VPS36: variants seen among roughly 807,000 people sequenced by gnomAD.
VPS36 encodes the protein vacuolar protein-sorting-associated protein 36.
In VPS36, 31 loss-of-function variants were observed where a neutral mutation model predicts 63.5. That is an observed-to-expected ratio of 0.49 (90% CI 0.37 to 0.66). VPS36 has a LOEUF of 0.66. VPS36 is among the 30% of genes least tolerant of loss of function. The pLI, the probability that VPS36 is intolerant of heterozygous loss-of-function variation, is 0.00. For missense variants in VPS36, 338 were observed against 463.7 expected (o/e 0.73, Z 2.49); for synonymous variants, 138 against 157.2 (o/e 0.88, Z 0.91).
At chr13:52,429,378 T>C in intron 6 of VPS36, 1 of 841,736 alleles carries the variant, frequency 1.2e-6, no homozygotes, top group Non-Finnish European at 1.4e-6. Flanking sequence ...CTAGAGCCTA[T>C]TCATCTTTCA....
intron 9 of VPS36, among the ~76,000 whole-genome samples, chr13:52,424,819 T>C (rs1312562220): frequency 6.6e-6 from 1 of 151,694 alleles, no homozygotes; most frequent in Non-Finnish European, 1.5e-5. Flanking sequence ...AACTCTGTCT[T>C]TACTGAAAAT....
intron 10 of VPS36, among the ~76,000 whole-genome samples, chr13:52,422,939 C>T (rs1389936370): frequency 6.6e-6 from 1 of 152,072 alleles, no homozygotes; most frequent in African/African-American, 2.4e-5. Flanking sequence ...ATTATGGGGG[C>T]GGGTCTTTCC....
chr13:52,444,985 CTG>C (rs1958323514), intron 1 of VPS36, among the ~76,000 whole-genome samples: 1 of 152,176 alleles, frequency 6.6e-6, no homozygotes, highest in Non-Finnish European at 1.5e-5. Context: ...TTTTAAAAAA[CTG>C]TTTTCTAAGA....
At chr13:52,436,269 T>C in intron 4 of VPS36, 21 bp downstream of exon 4, 1 of 1,392,052 alleles carries the variant, frequency 7.2e-7, no homozygotes, top group Non-Finnish European at 1.0e-6. Flanking sequence ...CTAGTACGAT[T>C]TTATTCATGT....
At position 52,414,052 on chromosome 13, in the gene VPS36, G is replaced by C. The variant is rs935156441; in HGVS notation, c.*1778C>G. On this transcript the variant is annotated 3_prime_UTR_variant, in exon 14 of 14. Coordinates refer to ENST00000378060, the MANE Select transcript of VPS36 (RefSeq NM_016075.4). ...CAAATATGTTAAATTATGTAGGTTTGCAGTAATGAATCCAAACCATTAGCG... is the reference window on the plus strand; with the variant it reads ...CAAATATGTTAAATTATGTAGGTTTCCAGTAATGAATCCAAACCATTAGCG... The C allele has an allele frequency of 1.3e-5, 2 of 152,072 alleles. No individual in the cohort carries two copies. The highest frequency in any genetic ancestry group is 4.8e-5 in the African/African-American group (2 of 41,388). 9.4% of individuals were successfully genotyped at this position (152,072 alleles called of 1,614,324 possible).
chr13:52,443,053 A>G (rs1958297101), intron 1 of VPS36, among the ~76,000 whole-genome samples: 1 of 152,188 alleles, frequency 6.6e-6, no homozygotes, highest in African/African-American at 2.4e-5. Flanking sequence ...TACAAAAATA[A>G]ATATGGATGG....
At chr13:52,439,848 T>C (rs1415538890) in intron 2 of VPS36, among the ~76,000 whole-genome samples, 1 of 152,228 alleles carries the variant, frequency 6.6e-6, no homozygotes, top group Non-Finnish European at 1.5e-5. Flanking sequence ...ATCAAGATAA[T>C]TTTAAGGAGG....
At chr13:52,420,718 C>T (rs1446147405) in intron 10 of VPS36, among the ~76,000 whole-genome samples, 1 of 152,176 alleles carries the variant, frequency 6.6e-6, no homozygotes, top group African/African-American at 2.4e-5. Context: ...GTGACAGACC[C>T]CCAATTTCCC....
Position 52,415,788 on chromosome 13 carries a change from G to T in VPS36, c.*42C>A. On this transcript the variant is annotated 3_prime_UTR_variant, in exon 14 of 14. Coordinates refer to ENST00000378060, the MANE Select transcript of VPS36 (RefSeq NM_016075.4). ...GCTCAATGTCATACAACCTCTACAT[G>T]ACGCAAGCATATGGACAAAAAGGAT... The T allele has an allele frequency of 1.3e-6, 2 of 1,580,944 alleles. No homozygotes were observed. Among genetic ancestry groups the T allele is most frequent in the South Asian group, 2.2e-5 (2 of 88,932 alleles).
intron 6 of VPS36, among the ~76,000 whole-genome samples, chr13:52,427,835 T>C (rs1290541485): frequency 1.3e-5 from 2 of 152,164 alleles, no homozygotes; most frequent in East Asian, 3.9e-4. Context: ...TACTGTTATT[T>C]GAGAAAAGTA....
chr13:52,415,764 C>T lies in VPS36; in HGVS notation c.*66G>A. ...CAATTGATCGGGGTTTATCTCTTAG[C>T]TCAATGTCATACAACCTCTACATGA... On this transcript the variant is annotated 3_prime_UTR_variant, in exon 14 of 14. Transcript: ENST00000378060. 8.3e-6 allele frequency: 12 copies of T among 1,437,566 alleles called. No individual in the cohort carries two copies. The highest frequency in any genetic ancestry group is 1.2e-5 in the Non-Finnish European group (12 of 1,030,256). 89.1% of individuals were successfully genotyped at this position (1,437,566 alleles called of 1,614,324 possible).
In VPS36 at chr13:52,414,865, T is replaced by G. The variant is rs960415146; in HGVS notation, c.*965A>C. The G allele has an allele frequency of 6.6e-6, 1 of 152,244 alleles. No homozygotes were observed. Among genetic ancestry groups the G allele is most frequent in the African/African-American group, 2.4e-5 (1 of 41,468 alleles). 9.4% of individuals were successfully genotyped at this position (152,244 alleles called of 1,614,324 possible). On this transcript the variant is annotated 3_prime_UTR_variant, in exon 14 of 14. Transcript: ENST00000378060. ...TACATGCAGTATTAGCCAGTTGTTG[T>G]TATCTCAGTAACATTTCTTACCGAA...
chr13:52,442,484 C>G, intron 1 of VPS36, 39 bp from the exon 2 acceptor site: 1 of 1,562,664 alleles, frequency 6.4e-7, no homozygotes, highest in South Asian at 1.2e-5. Flanking sequence ...AATAACATAT[C>G]ACTCATTGTG....
intron 1 of VPS36, 72 bp downstream of exon 1, chr13:52,450,427 C>G (rs1450449827): frequency 6.8e-7 from 1 of 1,475,488 alleles, no homozygotes; most frequent in Non-Finnish European, 9.0e-7. Flanking sequence ...ACCCGGGCCG[C>G]GCTGAGCCGG....
chr13:52,428,339 C>A (rs1451127518), intron 6 of VPS36, among the ~76,000 whole-genome samples: 2 of 152,176 alleles, frequency 1.3e-5, no homozygotes, highest in African/African-American at 2.4e-5. Context: ...AAATATCAGT[C>A]CATATGGTGG....
At chr13:52,434,765 C>T in intron 5 of VPS36, 28 bp downstream of exon 5, 1 of 1,590,244 alleles carries the variant, frequency 6.3e-7, no homozygotes, top group South Asian at 1.1e-5. Context: ...GTTGAAAATA[C>T]TGGATTAGCA....
chr13:52,441,902 GCT>G (rs1413260176), intron 2 of VPS36, among the ~76,000 whole-genome samples: 2 of 152,132 alleles, frequency 1.3e-5, no homozygotes, highest in African/African-American at 2.4e-5. Context: ...GGACATACCA[GCT>G]CTTTGTAAAG....
At chr13:52,432,422 C>T (rs1354726957) in intron 6 of VPS36, among the ~76,000 whole-genome samples, 3 of 152,124 alleles carry the variant, frequency 2.0e-5, no homozygotes, top group Non-Finnish European at 2.9e-5. Flanking sequence ...AATAAGGAAA[C>T]AATTTATTAC....
chr13:52,450,623 G>T lies in VPS36; in HGVS notation c.-29C>A, dbSNP rs1224846550. On this transcript the variant is annotated 5_prime_UTR_variant, in exon 1 of 14. Transcript: ENST00000378060. Reference sequence around the variant, plus strand: ...CGCTGCCACCCAGCCCCGGCCCTCCGAGGCCGCGAGCAGCGCGCCAGGCAG... The same window carrying T: ...CGCTGCCACCCAGCCCCGGCCCTCCTAGGCCGCGAGCAGCGCGCCAGGCAG... The T allele has an allele frequency of 6.5e-7, 1 of 1,544,500 alleles. No individual in the cohort carries two copies. Among genetic ancestry groups the T allele is most frequent in the Admixed American group, 1.9e-5 (1 of 52,712 alleles).
Sources: gnomAD v4.1 joint callset for allele counts (sites outside exome capture counted in the v4.1 genomes callset) on GRCh38, gnomAD v4.1.1 for gene constraint, MANE v1.5 for transcripts, NCBI Gene and HGNC (gene_info 2026-07-23, HGNC 2026-07-21) for gene names.